The following STX16 variants were observed in gnomAD, a reference collection of about 807,000 sequenced individuals.
STX16 encodes the protein syntaxin 16.
Under a neutral mutation model 42.7 loss-of-function variants are expected in STX16, and 28 were observed. That is an observed-to-expected ratio of 0.66 (90% CI 0.49 to 0.90). The LOEUF (loss-of-function observed/expected upper bound fraction) is 0.90, where lower values mean the gene tolerates loss of function less well. Ranked by LOEUF, STX16 falls within the 40% of genes least tolerant of loss-of-function variation. The pLI is 0.00. For synonymous variants in STX16, 156 were observed against 155.2 expected (o/e 1.00, Z -0.04); for missense variants, 361 against 420.9 (o/e 0.86, Z 1.24).
At position 58,657,107 on chromosome 20, in the gene STX16, C is replaced by G. The variant is rs1172056408; in HGVS notation, c.133-2516C>G. ...TGCAGATCCTGGAAAATGGAAGGAC[C>G]TATTGTTTTAAAACAATTTTTTTTC... On this transcript the variant is annotated intron_variant, in intron 1 of 8. Coordinates refer to ENST00000371141, the MANE Select transcript of STX16 (RefSeq NM_001001433.3). This position sits in a 1 kb window ranked among gnomAD's most constrained non-coding sequence, Gnocchi z 4.2. Among the ~76,000 whole-genome samples, 1 of 152,200 alleles carries G rather than the reference C, an allele frequency of 6.6e-6. No individual in the cohort carries two copies. Among genetic ancestry groups the G allele is most frequent in the African/African-American group, 2.4e-5 (1 of 41,438 alleles).
At chr20:58,655,369 A>G (rs1489020855) in intron 1 of STX16, among the ~76,000 whole-genome samples, 1 of 152,192 alleles carries the variant, frequency 6.6e-6, no homozygotes, top group Non-Finnish European at 1.5e-5. Context: ...GGAAAAAACT[A>G]GAATTTGGTT....
At chr20:58,660,380 G>C (rs867451419) in intron 2 of STX16, among the ~76,000 whole-genome samples, 8 of 152,272 alleles carry the variant, frequency 5.3e-5, no homozygotes, top group Middle Eastern at 3.4e-3. Context: ...GGAGAGGTGA[G>C]GGTTGTTCTT....
At chr20:58,659,426 A>C (rs16982214) in intron 1 of STX16, among the ~76,000 whole-genome samples, 197 bp from the exon 2 acceptor site, 1 of 151,986 alleles carries the variant, frequency 6.6e-6, no homozygotes, top group Non-Finnish European at 1.5e-5. Flanking sequence ...AAATTAAAGC[A>C]TATATTGATG....
At position 58,651,860 on chromosome 20, in the gene STX16, G is replaced by T; in HGVS notation, c.-147G>T. The T allele has an allele frequency of 1.3e-6, 1 of 793,894 alleles. No homozygotes were observed. The highest frequency in any genetic ancestry group is 2.0e-6 in the Non-Finnish European group (1 of 489,802). The allele number at this position is 793,894 out of a possible 1,614,324, so 49.2% of individuals were successfully genotyped here. A position where few individuals can be genotyped will look rare whatever the true frequency, so the allele number is the denominator to read the frequency against. On this transcript the variant is annotated 5_prime_UTR_variant, in exon 1 of 9. Transcript: ENST00000371141. Reference sequence around the variant, plus strand: ...TCTCTACGCCTTGGCGAAGCGCACAGCTGCATCTTTTTGGCTTGAGGCCTG... The same window carrying T: ...TCTCTACGCCTTGGCGAAGCGCACATCTGCATCTTTTTGGCTTGAGGCCTG...
At chr20:58,659,017 C>T (rs1258903389) in intron 1 of STX16, among the ~76,000 whole-genome samples, 1 of 151,950 alleles carries the variant, frequency 6.6e-6, no homozygotes. Context: ...GGTTTCTCAG[C>T]TCTCTTACTA....
At position 58,655,863 on chromosome 20, in the gene STX16, T is replaced by A. The variant is rs575089227; in HGVS notation, c.132+3725T>A. ...CATCCAGAACTGAGCAAAATTCTAC[T>A]TTTTTGTGTTCTTAGTTGTATTAAA... is the stretch of plus-strand genomic sequence containing the variant. On this transcript the variant is annotated intron_variant, in intron 1 of 8. Coordinates refer to ENST00000371141, the MANE Select transcript of STX16 (RefSeq NM_001001433.3). Among the ~76,000 whole-genome samples, 146 of 152,332 alleles carry A rather than the reference T, an allele frequency of 9.6e-4. 2 individuals are homozygous for A. The East Asian group carries it at 0.027, about 28-fold the overall frequency.
At position 58,657,083 on chromosome 20, in the gene STX16, G is replaced by A. The variant is rs1303618696; in HGVS notation, c.133-2540G>A. 6.6e-6 allele frequency among the ~76,000 whole-genome samples: 1 copy of A among 152,160 alleles called. No homozygotes were observed. The highest frequency in any genetic ancestry group is 1.5e-5 in the Non-Finnish European group (1 of 68,032). On this transcript the variant is annotated intron_variant, in intron 1 of 8. Coordinates refer to ENST00000371141, the MANE Select transcript of STX16 (RefSeq NM_001001433.3). This position sits in a 1 kb window ranked among gnomAD's most constrained non-coding sequence, Gnocchi z 4.2. ...TGGCTGCATTTTCAGAACTTGTGCT[G>A]CAGATCCTGGAAAATGGAAGGACCT...
At chr20:58,668,263 T>C (rs2083885495) in intron 4 of STX16, 136 bp downstream of exon 4, 1 of 1,129,226 alleles carries the variant, frequency 8.9e-7, no homozygotes, top group African/African-American at 1.6e-5. Flanking sequence ...CAAGAGGCCC[T>C]GAAGTCCTCC....
intron 5 of STX16, among the ~76,000 whole-genome samples, chr20:58,670,106 T>C (rs953547763): frequency 6.6e-5 from 10 of 152,266 alleles, no homozygotes; most frequent in Non-Finnish European, 1.5e-4. Flanking sequence ...ATTTTAATTT[T>C]ATTATTTCCA....
At position 58,676,370 on chromosome 20, in the gene STX16, C is replaced by A; in HGVS notation, c.*79C>A. 7.7e-7 allele frequency: 1 copy of A among 1,303,442 alleles called. No individual in the cohort carries two copies. Among genetic ancestry groups the A allele is most frequent in the Non-Finnish European group, 1.1e-6 (1 of 900,100 alleles). 80.7% of individuals were successfully genotyped at this position (1,303,442 alleles called of 1,614,324 possible). On this transcript the variant is annotated 3_prime_UTR_variant, in exon 9 of 9. Transcript: ENST00000371141. ...GCTTGGCCTGCGCCCCGCCAGCTGC[C>A]CGCAGAGGTGCAGCCTCGAGGAATC...
Position 58,671,150 on chromosome 20 carries a change from C to G in STX16, c.649-4C>G. ...ATCCAACACATTGTGCACTGTCTTGCTAGGGTTTTACAGAGGACCAGTTAG... is the reference window on the plus strand; with the variant it reads ...ATCCAACACATTGTGCACTGTCTTGGTAGGGTTTTACAGAGGACCAGTTAG... On this transcript the variant is annotated splice_polypyrimidine_tract_variant and splice_region_variant and intron_variant, in intron 6 of 8. Transcript: ENST00000371141. 9 of 1,612,910 alleles carry G rather than the reference C, an allele frequency of 5.6e-6. No homozygotes were observed. Among genetic ancestry groups the G allele is most frequent in the Non-Finnish European group, 7.6e-6 (9 of 1,179,298 alleles).
In STX16 at chr20:58,673,498, G is replaced by A. The variant is rs549334033; in HGVS notation, c.793-133G>A. ...GGGTGAACTCCAGAGCCCTCCGTGT[G>A]TACCTGCAGCACACAGGGAAGGAAA... On this transcript the variant is annotated intron_variant, in intron 7 of 8. Coordinates refer to ENST00000371141, the MANE Select transcript of STX16 (RefSeq NM_001001433.3). 2.1e-4 allele frequency: 130 copies of A among 631,618 alleles called. 4 individuals carry two copies. In the South Asian group the frequency reaches 2.4e-3, roughly 12 times the overall value. The allele number at this position is 631,618 out of a possible 1,614,324, so 39.1% of individuals were successfully genotyped here.
chr20:58,669,481 G>C (rs1195726678), intron 5 of STX16, 28 bp downstream of exon 5: 5 of 1,579,176 alleles, frequency 3.2e-6, no homozygotes, highest in Non-Finnish European at 4.3e-6. Flanking sequence ...CTAGTGAAGG[G>C]ATTTTGAGTA....
intron 2 of STX16, among the ~76,000 whole-genome samples, chr20:58,663,833 A>G (rs564670506): frequency 1.1e-3 from 167 of 152,242 alleles, no homozygotes; most frequent in African/African-American, 3.9e-3. Flanking sequence ...GCATGCCACC[A>G]TGCCCGGCTA....
intron 1 of STX16, among the ~76,000 whole-genome samples, chr20:58,654,498 A>G (rs1334753872): frequency 6.6e-6 from 1 of 152,230 alleles, no homozygotes; most frequent in African/African-American, 2.4e-5. Context: ...AATAGAGGTT[A>G]TGATTTTTTC....
chr20:58,676,279 G>A lies in STX16; in HGVS notation c.966G>A (p.Val322=). Residue 322 remains valine, a synonymous_variant, in exon 9 of 9, where the codon GTG becomes GTA. Coordinates refer to ENST00000371141, the MANE Select transcript of STX16 (RefSeq NM_001001433.3). Reference sequence around the variant, plus strand: ...TGCTCATTGTTGTCCTCGTTGGCGTGAAGTCTCGATAAGTGGCATTGGGTT... The same window carrying A: ...TGCTCATTGTTGTCCTCGTTGGCGTAAAGTCTCGATAAGTGGCATTGGGTT... ...IIVLIVVLVG[V]KSR is the part of the protein sequence containing the mutation. 6.2e-7 allele frequency: 1 copy of A among 1,614,166 alleles called. No individual in the cohort carries two copies. The highest frequency in any genetic ancestry group is 1.1e-5 in the South Asian group (1 of 91,084).
At chr20:58,654,402 T>TG (rs1218621223) in intron 1 of STX16, among the ~76,000 whole-genome samples, 1 of 152,234 alleles carries the variant, frequency 6.6e-6, no homozygotes, top group Non-Finnish European at 1.5e-5. Flanking sequence ...TATTTAGGGT[T>TG]GAAGTGTTAC....
chr20:58,671,609 C>CA (rs369940173), intron 7 of STX16, among the ~76,000 whole-genome samples: 2,941 of 151,988 alleles, frequency 0.019, 94 homozygotes, highest in African/African-American at 0.068. Flanking sequence ...TTGAGAAAAG[C>CA]CCTGGGGGGT....
At position 58,676,291 on chromosome 20, in the gene STX16, A is replaced by G. The variant is rs1427581268; in HGVS notation, c.978A>G (p.Ter326=). The G allele has an allele frequency of 1.1e-5, 17 of 1,613,812 alleles. No individual in the cohort carries two copies. The highest frequency in any genetic ancestry group is 1.4e-5 in the Non-Finnish European group (17 of 1,179,804). ...IVVLVGVKSR[*] is the part of the protein sequence containing the mutation. ...TCCTCGTTGGCGTGAAGTCTCGATA[A>G]GTGGCATTGGGTTTTCGTGTGTGCC... is the stretch of plus-strand genomic sequence containing the variant. Residue 326 remains the stop codon, a stop_retained_variant, in exon 9 of 9, where the codon TAA becomes TAG. Transcript: ENST00000371141.
Sources: allele counts gnomAD v4.1 joint callset (sites outside exome capture counted in the v4.1 genomes callset), GRCh38; gene constraint gnomAD v4.1.1; non-coding constraint Gnocchi (gnomAD v3.1); transcripts MANE v1.5; gene names NCBI Gene and HGNC (gene_info 2026-07-23, HGNC 2026-07-21).